The following BICD2 variants were observed in gnomAD, a reference collection of about 807,000 sequenced individuals.
The protein encoded by BICD2 is BICD cargo adaptor 2, also known as protein bicaudal D homolog 2.
In BICD2, 25 loss-of-function variants were observed where a neutral mutation model predicts 72.9. The observed-to-expected ratio is 0.34, with a 90% CI of 0.25 to 0.48. The LOEUF (loss-of-function observed/expected upper bound fraction) is 0.48, where lower values mean the gene tolerates loss of function less well. BICD2 is among the 20% of genes least tolerant of loss of function. The pLI is 0.99. For synonymous variants in BICD2, 501 were observed against 516.1 expected, an observed-to-expected ratio of 0.97 and a Z score of 0.40; for missense variants, 894 against 1,175.2, an observed-to-expected ratio of 0.76 and a Z score of 3.50.
At chr9:92,733,810 A>G (rs1853722689) in intron 1 of BICD2, among the ~76,000 whole-genome samples, 1 of 151,750 alleles carries the variant, frequency 6.6e-6, no homozygotes, top group East Asian at 2.0e-4. Context: ...TACTAAAAAT[A>G]CAAAAAATTA....
rs1853487631 is a variant in BICD2, at chr9:92,722,692, G to A, written c.570C>T (p.Ser190=). 6.2e-7 allele frequency: 1 copy of A among 1,614,212 alleles called. No individual in the cohort carries two copies. The highest frequency in any genetic ancestry group is 1.3e-5 in the African/African-American group (1 of 75,054). The change falls in exon 3 of 7, where the codon AGC becomes AGT. Residue 190 remains serine, a synonymous_variant. Transcript: ENST00000356884. ...DYSELEEENI[S]LQKQVSVLRQ... is the part of the protein sequence containing the mutation. Reference sequence around the variant, plus strand: ...TGAGCACAGACACTTGCTTCTGCAGGCTGATGTTCTCCTCCTCCAGTTCCG... The same window carrying A: ...TGAGCACAGACACTTGCTTCTGCAGACTGATGTTCTCCTCCTCCAGTTCCG...
intron 6 of BICD2, among the ~76,000 whole-genome samples, chr9:92,716,851 C>T (rs1193508380): frequency 1.3e-5 from 2 of 152,218 alleles, no homozygotes; most frequent in Non-Finnish European, 2.9e-5. Flanking sequence ...CCACCAGGGG[C>T]AGCCCACCTC....
chr9:92,723,679 TGGG>T (rs1853509325), intron 2 of BICD2, among the ~76,000 whole-genome samples: 1 of 152,224 alleles, frequency 6.6e-6, no homozygotes. Flanking sequence ...ACACCTTATG[TGGG>T]TGAACTATAT....
In BICD2 at chr9:92,722,755, C is replaced by T; in HGVS notation, c.507G>A (p.Glu169=). 6.2e-7 allele frequency: 1 copy of T among 1,614,222 alleles called. No individual in the cohort carries two copies. Residue 169 remains glutamate, a synonymous_variant, in exon 3 of 7, where the codon GAG becomes GAA. Transcript: ENST00000356884. ...QRGRLRDDIK[E]YKFREARLLQ... Reference sequence around the variant, plus strand: ...GCAGACGAGCTTCCCGGAATTTGTACTCCTTGATGTCATCCCGCAGGCGGC... The same window carrying T: ...GCAGACGAGCTTCCCGGAATTTGTATTCCTTGATGTCATCCCGCAGGCGGC...
intron 6 of BICD2, among the ~76,000 whole-genome samples, chr9:92,716,936 C>T (rs1853328064): frequency 6.6e-6 from 1 of 152,220 alleles, no homozygotes; most frequent in South Asian, 2.1e-4. Flanking sequence ...CCTCTCCTCA[C>T]CCTCCCCAGA....
rs1300373482 is a variant in BICD2, at chr9:92,753,464, T to G, written c.240+11041A>C. Among the ~76,000 whole-genome samples the G allele has an allele frequency of 2.6e-5, 4 of 152,244 alleles. No homozygotes were observed. The South Asian group carries it at 8.3e-4, about 31-fold the overall frequency. On this transcript the variant is annotated intron_variant, in intron 1 of 6. Transcript: ENST00000356884. The stretch of plus-strand genomic sequence containing the variant: ...GCAACTCTGTACTATTTTTCAAATT[T>G]TTCTATAAATCTAAAAATTTTCTAA...
intron 1 of BICD2, among the ~76,000 whole-genome samples, chr9:92,735,139 G>C (rs77408889): frequency 0.013 from 1,974 of 152,336 alleles, 22 homozygotes; most frequent in Non-Finnish European, 0.021. Flanking sequence ...GCCTGGGTGT[G>C]AGGTCACCAC....
At chr9:92,717,986 G>C in intron 5 of BICD2, 38 bp from the exon 6 acceptor site, 1 of 1,601,682 alleles carries the variant, frequency 6.2e-7, no homozygotes, top group South Asian at 1.1e-5. Flanking sequence ...AGTGAAAGGC[G>C]TGAAGTCAGC....
In BICD2 at chr9:92,713,308, A is replaced by G. The variant is rs1026898943; in HGVS notation, c.*1846T>C. On this transcript the variant is annotated 3_prime_UTR_variant, in exon 7 of 7. Transcript: ENST00000356884. ...TCCCATTAAAAACCTGGGGAATGCT[A>G]TTTTGAAAAGAATTGCAGTGGCATA... The G allele has an allele frequency of 2.7e-5, 23 of 856,426 alleles. No homozygotes were observed. The highest frequency in any genetic ancestry group is 3.5e-5 in the Non-Finnish European group (19 of 542,996). 53.1% of individuals were successfully genotyped at this position (856,426 alleles called of 1,614,324 possible).
chr9:92,718,893 G>A lies in BICD2; in HGVS notation c.1752C>T (p.Ile584=), dbSNP rs888267656. 1.9e-6 allele frequency: 3 copies of A among 1,600,028 alleles called. No homozygotes were observed. Among genetic ancestry groups the A allele is most frequent in the Admixed American group, 1.7e-5 (1 of 57,946 alleles). The change falls in exon 5 of 7, where the codon ATC becomes ATT. Residue 584 remains isoleucine, a synonymous_variant. Transcript: ENST00000356884. ...GAGCCAGCAGCCCCTTGGGTAGGAG[G>A]ATGGGTGAGCGCCGGCCACGCGCCT... The part of the protein sequence containing the change: ...SPEARGRRSP[I]LLPKGLLAPE...
rs143877694 is a variant in BICD2 at position 92,732,779 on chromosome 9, T to C, written c.241-3543A>G. Among the ~76,000 whole-genome samples the C allele has an allele frequency of 1.6e-4, 24 of 152,332 alleles. No homozygotes were observed. The East Asian group carries it at 4.2e-3, about 27-fold the overall frequency. ...GCTGAAAGAATTTATCAACAGCAGATATGCATTGGTATTTAAAGATATGCT... is the reference window on the plus strand; with the variant it reads ...GCTGAAAGAATTTATCAACAGCAGACATGCATTGGTATTTAAAGATATGCT... On this transcript the variant is annotated intron_variant, in intron 1 of 6. Coordinates refer to ENST00000356884, the MANE Select transcript of BICD2 (RefSeq NM_001003800.2).
intron 2 of BICD2, among the ~76,000 whole-genome samples, chr9:92,723,321 G>GA (rs1853501471): frequency 6.6e-6 from 1 of 152,304 alleles, no homozygotes; most frequent in South Asian, 2.1e-4. Context: ...AGTGCCCATT[G>GA]ACTGATGAAT....
Position 92,764,797 on chromosome 9 carries a change from C to A in BICD2, c.-53G>T. The A allele has an allele frequency of 1.6e-6, 2 of 1,286,792 alleles. No individual in the cohort carries two copies. Among genetic ancestry groups the A allele is most frequent in the Non-Finnish European group, 9.8e-7 (1 of 1,018,528 alleles). 79.7% of individuals were successfully genotyped at this position (1,286,792 alleles called of 1,614,324 possible). On this transcript the variant is annotated 5_prime_UTR_variant, in exon 1 of 7. Coordinates refer to ENST00000356884, the MANE Select transcript of BICD2 (RefSeq NM_001003800.2). This position sits in a 1 kb window ranked among gnomAD's most constrained non-coding sequence, Gnocchi z 5.5. ...CTGAGGCTCTCGCAGGCCGGGCCCT[C>A]CTCAGCCGCCGCCGCTGCCGCCGCC...
chr9:92,718,737 G>A lies in BICD2; in HGVS notation c.1908C>T (p.Asp636=). 1 of 1,614,118 alleles carries A rather than the reference G, an allele frequency of 6.2e-7. No homozygotes were observed. Among genetic ancestry groups the A allele is most frequent in the African/African-American group, 1.3e-5 (1 of 75,056 alleles). The change falls in exon 5 of 7, where the codon GAC becomes GAT. Residue 636 remains aspartate, a synonymous_variant. Coordinates refer to ENST00000356884, the MANE Select transcript of BICD2 (RefSeq NM_001003800.2). ...NIYNLIAIIR[D]QIKHLQAAVD... ...CGGCTGCCTGCAGGTGCTTGATCTG[G>A]TCACGGATGATAGCGATCAGGTTGT...
At chr9:92,752,631 G>T (rs1466330357) in intron 1 of BICD2, among the ~76,000 whole-genome samples, 4 of 152,152 alleles carry the variant, frequency 2.6e-5, no homozygotes, top group Non-Finnish European at 5.9e-5. Flanking sequence ...TTAGCTAGGG[G>T]TGGTGGCACA....
In BICD2 at chr9:92,711,459, C is replaced by T. The variant is rs1853193942; in HGVS notation, c.*3695G>A. On this transcript the variant is annotated 3_prime_UTR_variant, in exon 7 of 7. Coordinates refer to ENST00000356884, the MANE Select transcript of BICD2 (RefSeq NM_001003800.2). ...TGCGCACTGGCTTTGTAGGCATTCA[C>T]ATCATATGTCTGTGTCCTGAAAATC... 1.3e-5 allele frequency: 2 copies of T among 152,636 alleles called. No individual in the cohort carries two copies. Among genetic ancestry groups the T allele is most frequent in the Admixed American group, 1.3e-4 (2 of 15,272 alleles). 9.5% of individuals were successfully genotyped at this position (152,636 alleles called of 1,614,324 possible).
rs529204653 is a variant in BICD2 at position 92,714,885 on chromosome 9, G to T, written c.*269C>A. 1.8e-4 allele frequency: 229 copies of T among 1,256,090 alleles called. 1 individual carries two copies. In the African/African-American group the frequency reaches 3.1e-3, roughly 17 times the overall value. 77.8% of individuals were successfully genotyped at this position (1,256,090 alleles called of 1,614,324 possible). ...AAGATGCTTTCATCACACATCTGCT[G>T]CAAGAATGTGCAGCTCTATCCCCAC... On this transcript the variant is annotated 3_prime_UTR_variant, in exon 7 of 7. Transcript: ENST00000356884.
intron 3 of BICD2, among the ~76,000 whole-genome samples, chr9:92,722,319 C>A (rs1853479550): frequency 6.6e-6 from 1 of 152,220 alleles, no homozygotes. Context: ...TATTGCAGGC[C>A]TCATGGTCAG....
At chr9:92,728,230 C>T (rs1396256190) in intron 2 of BICD2, among the ~76,000 whole-genome samples, 1 of 152,260 alleles carries the variant, frequency 6.6e-6, no homozygotes, top group Admixed American at 6.5e-5. Context: ...TCCACAACTC[C>T]AGGGCCTTAG....
Sources: gnomAD v4.1 joint callset for allele counts (sites outside exome capture counted in the v4.1 genomes callset) on GRCh38, gnomAD v4.1.1 for gene constraint, Gnocchi (gnomAD v3.1) non-coding constraint, MANE v1.5 for transcripts, NCBI Gene and HGNC (gene_info 2026-07-23, HGNC 2026-07-21) for gene names.